Variants in ADAMTS16 observed in about 807,000 individuals in gnomAD.
ADAMTS16 encodes ADAM metallopeptidase with thrombospondin type 1 motif 16.
A neutral mutation model predicts 145.8 loss-of-function variants in ADAMTS16; 94 were observed. The observed-to-expected ratio is 0.64, with a 90% confidence interval of 0.55 to 0.77. The LOEUF (loss-of-function observed/expected upper bound fraction) is 0.77. Ranked by LOEUF, ADAMTS16 falls within the 30% of genes least tolerant of loss-of-function variation. The pLI is 0.00. For missense variants in ADAMTS16, 1,585 were observed against 1,591.5 expected (o/e 1.00, Z 0.07); for synonymous variants, 659 against 604.3 (o/e 1.09, Z -1.33).
intron 17 of ADAMTS16, among the ~76,000 whole-genome samples, chr5:5,243,445 T>TGATGATGAAGACATCATCA (rs1292332262): frequency 6.6e-6 from 1 of 152,240 alleles, no homozygotes; most frequent in East Asian, 1.9e-4. Flanking sequence ...GGACATTGTA[T>TGATGATGAAGACATCATCA]GCTCTTCTCT....
At chr5:5,263,900 G>A (rs1738132416) in intron 18 of ADAMTS16, among the ~76,000 whole-genome samples, 1 of 152,172 alleles carries the variant, frequency 6.6e-6, no homozygotes, top group African/African-American at 2.4e-5. Flanking sequence ...CAAGAAGAAT[G>A]AGGTCATGCT....
chr5:5,283,607 G>A (rs1370847206), intron 18 of ADAMTS16, among the ~76,000 whole-genome samples: 1 of 152,156 alleles, frequency 6.6e-6, no homozygotes, highest in Admixed American at 6.5e-5. Context: ...GGCAAAAGGT[G>A]TAAACTCACG....
At chr5:5,161,399 G>T (rs1397183263) in intron 3 of ADAMTS16, among the ~76,000 whole-genome samples, 2 of 152,122 alleles carry the variant, frequency 1.3e-5, no homozygotes, top group Non-Finnish European at 2.9e-5. Flanking sequence ...TTTGTCAATG[G>T]TGTGGCTGAC....
intron 12 of ADAMTS16, among the ~76,000 whole-genome samples, chr5:5,233,731 C>G (rs1011377574): frequency 4.6e-5 from 7 of 152,116 alleles, no homozygotes; most frequent in Non-Finnish European, 7.4e-5. Context: ...TTTTCATTAT[C>G]TGGTCTAACA....
At chr5:5,314,969 A>G (rs1335263981) in intron 21 of ADAMTS16, among the ~76,000 whole-genome samples, 1 of 152,140 alleles carries the variant, frequency 6.6e-6, no homozygotes, top group Admixed American at 6.5e-5. Flanking sequence ...GGTACTGGGG[A>G]GGTGGGCGAT....
chr5:5,306,416 TCAAG>T (rs1740154481), intron 20 of ADAMTS16, 84 bp from the exon 21 acceptor site: 2 of 1,129,282 alleles, frequency 1.8e-6, no homozygotes, highest in Non-Finnish European at 2.6e-6. Flanking sequence ...ATATAAATGT[TCAAG>T]CAGATATCTC....
intron 3 of ADAMTS16, among the ~76,000 whole-genome samples, chr5:5,172,551 A>G (rs1735070049): frequency 6.6e-6 from 1 of 152,126 alleles, no homozygotes. Context: ...TATGGTTTCC[A>G]AAATTCCTCT....
intron 18 of ADAMTS16, among the ~76,000 whole-genome samples, chr5:5,282,944 G>A (rs144284481): frequency 1.3e-3 from 202 of 150,350 alleles, no homozygotes; most frequent in African/African-American, 3.6e-3. Context: ...TATTAATATC[G>A]GAAATAAAAT....
chr5:5,235,746 A>C (rs1452006417), intron 13 of ADAMTS16, among the ~76,000 whole-genome samples: 1 of 152,226 alleles, frequency 6.6e-6, no homozygotes, highest in African/African-American at 2.4e-5. Context: ...ACTTAAAGTC[A>C]GTAGCTCAAG....
At chr5:5,211,057 AT>A (rs1265057749) in intron 10 of ADAMTS16, among the ~76,000 whole-genome samples, 1 of 152,160 alleles carries the variant, frequency 6.6e-6, no homozygotes, top group Non-Finnish European at 1.5e-5. Context: ...CTTTCTCATA[AT>A]TTATTTTCAA....
chr5:5,271,785 G>C (rs979154693), intron 18 of ADAMTS16, among the ~76,000 whole-genome samples: 1 of 152,160 alleles, frequency 6.6e-6, no homozygotes, highest in Non-Finnish European at 1.5e-5. Context: ...ATAACGCCGA[G>C]TAAGAGTCTG....
intron 18 of ADAMTS16, among the ~76,000 whole-genome samples, chr5:5,281,067 A>G (rs951907575): frequency 1.3e-5 from 2 of 152,272 alleles, no homozygotes; most frequent in Non-Finnish European, 2.9e-5. Flanking sequence ...TTCTTTAAAA[A>G]GAGAAGCAGA....
rs1378207501 is a variant in ADAMTS16 at position 5,310,570 on chromosome 5, G to A, written c.3411+3842G>A. 6.6e-6 allele frequency among the ~76,000 whole-genome samples: 1 copy of A among 152,150 alleles called. No individual in the cohort carries two copies. Among genetic ancestry groups the A allele is most frequent in the Non-Finnish European group, 1.5e-5 (1 of 68,020 alleles). On this transcript the variant is annotated intron_variant, in intron 21 of 22. Transcript: ENST00000274181. The surrounding 1 kb of genome is among the most constrained non-coding windows in gnomAD (Gnocchi z 4.3). ...AAGACACAGAGACTCCTCACATGGG[G>A]AGCAAGTGGTGGGTGGCACTGGCTG...
At chr5:5,240,889 C>G (rs1262053369) in intron 16 of ADAMTS16, among the ~76,000 whole-genome samples, 1 of 152,122 alleles carries the variant, frequency 6.6e-6, no homozygotes, top group Non-Finnish European at 1.5e-5. Context: ...TCCTTGATCA[C>G]GTCTCCCACC....
chr5:5,278,519 T>C (rs559296596), intron 18 of ADAMTS16, among the ~76,000 whole-genome samples: 22 of 152,358 alleles, frequency 1.4e-4, no homozygotes, highest in African/African-American at 4.3e-4. Flanking sequence ...TCTTCTTACA[T>C]GTATAAAATG....
chr5:5,178,176 A>G (rs1409880778), intron 3 of ADAMTS16, among the ~76,000 whole-genome samples: 1 of 152,180 alleles, frequency 6.6e-6, no homozygotes, highest in East Asian at 1.9e-4. Context: ...AACACAACAC[A>G]TATTCGTTCG....
chr5:5,297,741 C>T (rs1311269692), intron 18 of ADAMTS16, among the ~76,000 whole-genome samples: 4 of 152,288 alleles, frequency 2.6e-5, no homozygotes, highest in South Asian at 2.1e-4. Context: ...CTGAAGATGA[C>T]GCCCACAGCG....
intron 18 of ADAMTS16, among the ~76,000 whole-genome samples, chr5:5,300,445 C>A (rs1739723984): frequency 6.6e-6 from 1 of 152,100 alleles, no homozygotes; most frequent in Admixed American, 6.6e-5. Context: ...TTACCACAAT[C>A]CATATAGGGC....
intron 18 of ADAMTS16, among the ~76,000 whole-genome samples, chr5:5,293,958 A>G (rs574063995): frequency 6.6e-6 from 1 of 152,314 alleles, no homozygotes; most frequent in South Asian, 2.1e-4. Flanking sequence ...GCTTGTGGAC[A>G]TTCAGACAGG....
Sources: gnomAD v4.1 joint callset for allele counts (sites outside exome capture counted in the v4.1 genomes callset) on GRCh38, gnomAD v4.1.1 for gene constraint, Gnocchi (gnomAD v3.1) non-coding constraint, MANE v1.5 for transcripts, NCBI Gene and HGNC (gene_info 2026-07-23, HGNC 2026-07-21) for gene names.